Variants in ERBB4 observed in about 807,000 individuals in gnomAD.
The protein encoded by ERBB4 is receptor tyrosine-protein kinase erbB-4.
In ERBB4, 42 loss-of-function variants were observed where a neutral mutation model predicts 158.0. That is an observed-to-expected ratio of 0.27 (90% confidence interval 0.21 to 0.34). The LOEUF (loss-of-function observed/expected upper bound fraction) is 0.34. ERBB4 is among the 10% of genes least tolerant of loss of function. The pLI is 1.00. For missense variants in ERBB4, 1,333 were observed against 1,624.1 expected (o/e 0.82, Z 3.08); for synonymous variants, 583 against 558.7 (o/e 1.04, Z -0.61).
intron 1 of ERBB4, among the ~76,000 whole-genome samples, chr2:212,186,214 T>G (rs895901853): frequency 3.3e-5 from 5 of 152,168 alleles, no homozygotes; most frequent in Non-Finnish European, 7.3e-5. Context: ...TCTGGCAAAC[T>G]TCGCCTAAAT....
chr2:211,689,606 C>A (rs2072715556), intron 12 of ERBB4, among the ~76,000 whole-genome samples: 1 of 151,978 alleles, frequency 6.6e-6, no homozygotes, highest in Non-Finnish European at 1.5e-5. Flanking sequence ...ATAGTTTAAC[C>A]AAACTGATTA....
chr2:212,064,961 G>C (rs2077893313), intron 2 of ERBB4, among the ~76,000 whole-genome samples: 1 of 150,214 alleles, frequency 6.7e-6, no homozygotes, highest in East Asian at 2.0e-4. Context: ...TAAACTATAG[G>C]TTCCACCACC....
chr2:212,398,122 G>A (rs997125162), intron 1 of ERBB4, among the ~76,000 whole-genome samples: 215 of 134,872 alleles, frequency 1.6e-3, no homozygotes, highest in Middle Eastern at 7.5e-3. Context: ...GTGTGTGTGT[G>A]TATATATATA....
At chr2:211,576,515 A>C (rs2067897886) in intron 19 of ERBB4, among the ~76,000 whole-genome samples, 1 of 152,146 alleles carries the variant, frequency 6.6e-6, no homozygotes, top group South Asian at 2.1e-4. Context: ...ATTTTGTTGT[A>C]TGTTACCTTA....
In ERBB4 at chr2:211,750,988, A is replaced by G. The variant is rs568484712; in HGVS notation, c.557-284T>C. On this transcript the variant is annotated intron_variant, in intron 4 of 27. Coordinates refer to ENST00000342788, the MANE Select transcript of ERBB4 (RefSeq NM_005235.3). ...TTTCTCAGGAAATCAAAAGCAAATG[A>G]TTATAGTTAATAAGTTTCACTTTCA... is the stretch of plus-strand genomic sequence containing the variant. Among the ~76,000 whole-genome samples the G allele has an allele frequency of 5.3e-5, 8 of 152,334 alleles. No individual in the cohort carries two copies. The South Asian group carries it at 1.0e-3, about 20-fold the overall frequency.
chr2:211,866,978 TCCTTCTTGCC>T (rs2078223120), intron 3 of ERBB4, among the ~76,000 whole-genome samples: 1 of 138,590 alleles, frequency 7.2e-6, no homozygotes, highest in African/African-American at 2.7e-5. Flanking sequence ...TCTTCTCCCT[TCCTTCTTGCC>T]CCTTCTTGCC....
At chr2:211,697,739 A>T (rs2073077878) in intron 12 of ERBB4, among the ~76,000 whole-genome samples, 1 of 152,210 alleles carries the variant, frequency 6.6e-6, no homozygotes, top group African/African-American at 2.4e-5. Context: ...GTGATTTAAA[A>T]CAGTGGTGGA....
chr2:211,770,297 T>C (rs1166686233), intron 4 of ERBB4, among the ~76,000 whole-genome samples: 1 of 152,178 alleles, frequency 6.6e-6, no homozygotes, highest in Non-Finnish European at 1.5e-5. Flanking sequence ...TTATTTTCCT[T>C]ATTAAAGGAA....
chr2:212,179,631 A>G (rs2081792215), intron 1 of ERBB4, among the ~76,000 whole-genome samples: 1 of 151,560 alleles, frequency 6.6e-6, no homozygotes, highest in South Asian at 2.1e-4. Context: ...CTCAAAAGTG[A>G]ATGATGATTT....
chr2:212,134,320 T>G (rs1323570935), intron 1 of ERBB4, among the ~76,000 whole-genome samples: 1 of 152,148 alleles, frequency 6.6e-6, no homozygotes, highest in Non-Finnish European at 1.5e-5. Flanking sequence ...ATTTTATTGC[T>G]CTTATTCATT....
In ERBB4 at chr2:212,211,629, A is replaced by AAAAAC. The variant is rs148929858; in HGVS notation, c.83-86727_83-86726insGTTTT. ...TAAAAAATTTATCTAAAAAAAAAAA[A>AAAAAC]TGGATACATGTATAGAATGTGCAGG... On this transcript the variant is annotated intron_variant, in intron 1 of 27. Transcript: ENST00000342788. Among the ~76,000 whole-genome samples, 304 of 148,556 alleles carry AAAAAC rather than the reference A, an allele frequency of 2.0e-3. 1 individual carries two copies. The highest frequency in any genetic ancestry group is 6.0e-3 in the African/African-American group (240 of 40,322).
chr2:211,685,576 C>A (rs2072531425), intron 12 of ERBB4, among the ~76,000 whole-genome samples: 1 of 152,090 alleles, frequency 6.6e-6, no homozygotes, highest in Non-Finnish European at 1.5e-5. Context: ...TCATTTGTTT[C>A]TTTTCCAAAA....
At chr2:211,956,029 A>AGTGTGTGTGTGTGTGTGTGT (rs3070122) in intron 2 of ERBB4, among the ~76,000 whole-genome samples, 1 of 146,332 alleles carries the variant, frequency 6.8e-6, no homozygotes, top group African/African-American at 2.5e-5. Context: ...TCATCTCTAA[A>AGTGTGTGTGTGTGTGTGTGT]GTGTGTGTGT....
At chr2:212,488,306 A>T (rs544967448) in intron 1 of ERBB4, among the ~76,000 whole-genome samples, 1 of 140,986 alleles carries the variant, frequency 7.1e-6, no homozygotes, top group Non-Finnish European at 1.5e-5. Flanking sequence ...CTTTTTTCTA[A>T]GTTTCCTCGC....
At chr2:211,707,723 T>C (rs1382892309) in intron 9 of ERBB4, among the ~76,000 whole-genome samples, 2 of 152,144 alleles carry the variant, frequency 1.3e-5, no homozygotes, top group Non-Finnish European at 2.9e-5. Flanking sequence ...GCAGTTCCCA[T>C]TCTAAATAAG....
At chr2:211,563,238 G>A (rs949489735) in intron 19 of ERBB4, among the ~76,000 whole-genome samples, 3 of 152,076 alleles carry the variant, frequency 2.0e-5, no homozygotes, top group Admixed American at 6.6e-5. Context: ...AAATGTTTAT[G>A]TACTTTGTTA....
At chr2:211,833,442 T>A (rs533838539) in intron 3 of ERBB4, among the ~76,000 whole-genome samples, 1 of 152,182 alleles carries the variant, frequency 6.6e-6, no homozygotes, top group East Asian at 1.9e-4. Flanking sequence ...GAGTTCACTT[T>A]GTAAATATAA....
intron 3 of ERBB4, among the ~76,000 whole-genome samples, chr2:211,818,666 C>T (rs937649156): frequency 2.0e-5 from 3 of 152,000 alleles, no homozygotes; most frequent in Non-Finnish European, 4.4e-5. Context: ...CAGGCATTAG[C>T]TCTTGGAATA....
intron 1 of ERBB4, among the ~76,000 whole-genome samples, chr2:212,537,512 CCCAGGT>C (rs1199288761): frequency 6.6e-6 from 1 of 152,092 alleles, no homozygotes; most frequent in Non-Finnish European, 1.5e-5. Flanking sequence ...CCTTTGCCTG[CCCAGGT>C]ACCTGGGGCT....
Sources: allele counts gnomAD v4.1 joint callset (sites outside exome capture counted in the v4.1 genomes callset), GRCh38; gene constraint gnomAD v4.1.1; transcripts MANE v1.5; gene names NCBI Gene and HGNC (gene_info 2026-07-23, HGNC 2026-07-21).